DRC8: variants seen among roughly 807,000 people sequenced by gnomAD.
The protein encoded by DRC8 is dynein regulatory complex subunit 8.
the DRC8 span, among the ~76,000 whole-genome samples, chr1:245,023,987 TG>T: frequency 1.3e-5 from 2 of 152,166 alleles, no homozygotes; most frequent in East Asian, 3.9e-4. Context: ...CTGGCCAACA[TG>T]GTGAAACCCC....
At chr1:244,978,771 T>G in the DRC8 span, among the ~76,000 whole-genome samples, 5 of 152,324 alleles carry the variant, frequency 3.3e-5, no homozygotes, top group South Asian at 1.0e-3. Context: ...ATTACAGGCT[T>G]GAGCCACCAC....
chr1:245,111,360 A>C, the DRC8 span, among the ~76,000 whole-genome samples: 3 of 152,194 alleles, frequency 2.0e-5, no homozygotes, highest in African/African-American at 7.2e-5. Context: ...CAAAGTGTCT[A>C]GTTGTAAAAG....
the DRC8 span, among the ~76,000 whole-genome samples, chr1:244,976,384 T>C: frequency 1.3e-5 from 2 of 152,254 alleles, no homozygotes; most frequent in Non-Finnish European, 2.9e-5. Flanking sequence ...GTTTTCTTCC[T>C]GTTTTAGACC....
the DRC8 span, among the ~76,000 whole-genome samples, chr1:245,025,625 T>C: frequency 6.6e-6 from 1 of 152,200 alleles, no homozygotes; most frequent in South Asian, 2.1e-4. Context: ...GTTCCTATGC[T>C]TCAATGCCTT....
the DRC8 span, among the ~76,000 whole-genome samples, chr1:245,018,439 G>A: frequency 1.3e-5 from 2 of 152,286 alleles, no homozygotes; most frequent in Admixed American, 6.5e-5. Flanking sequence ...AGCTCCGGTG[G>A]CTGTGGTCAC....
the DRC8 span, chr1:244,970,579 G>T: frequency 8.7e-7 from 1 of 1,144,224 alleles, no homozygotes; most frequent in Non-Finnish European, 1.2e-6. Context: ...CTGAGGAGGG[G>T]GCCACCCGGC....
the DRC8 span, chr1:245,017,442 G>T: frequency 0.074 from 79,533 of 1,074,740 alleles, 3,544 homozygotes; most frequent in Non-Finnish European, 0.085. Context: ...GCTCTTTTAA[G>T]TATTTATTTT....
At chr1:245,074,255 G>A in the DRC8 span, among the ~76,000 whole-genome samples, 1 of 152,128 alleles carries the variant, frequency 6.6e-6, no homozygotes, top group African/African-American at 2.4e-5. Flanking sequence ...CAATCATATT[G>A]CAACACAACT....
At chr1:245,077,765 A>T in the DRC8 span, among the ~76,000 whole-genome samples, 11 of 152,212 alleles carry the variant, frequency 7.2e-5, no homozygotes, top group South Asian at 4.1e-4. Flanking sequence ...TGGAGCCATA[A>T]AACTAGAAGA....
the DRC8 span, among the ~76,000 whole-genome samples, chr1:245,065,214 G>A: frequency 1.3e-5 from 2 of 150,080 alleles, no homozygotes; most frequent in South Asian, 2.1e-4. Flanking sequence ...CATCACGCCC[G>A]GCTAATTTTT....
At chr1:244,985,601 C>T in the DRC8 span, among the ~76,000 whole-genome samples, 2 of 152,164 alleles carry the variant, frequency 1.3e-5, no homozygotes, top group African/African-American at 2.4e-5. Flanking sequence ...TGGTGGCACA[C>T]ACCTGTAATC....
At chr1:244,998,529 C>T in the DRC8 span, among the ~76,000 whole-genome samples, 99 of 152,264 alleles carry the variant, frequency 6.5e-4, no homozygotes, top group Middle Eastern at 3.4e-3. Flanking sequence ...TATATAATAC[C>T]GGTGTTGGAT....
the DRC8 span, among the ~76,000 whole-genome samples, chr1:245,067,571 G>A: frequency 1.7e-4 from 26 of 152,134 alleles, no homozygotes; most frequent in African/African-American, 6.0e-4. Flanking sequence ...CACAAGCCCC[G>A]GAGGTCCCAA....
chr1:245,064,023 C>G, the DRC8 span, among the ~76,000 whole-genome samples: 1 of 152,072 alleles, frequency 6.6e-6, no homozygotes, highest in African/African-American at 2.4e-5. Context: ...ACGCCCGGCC[C>G]AGATCTCAAC....
the DRC8 span, among the ~76,000 whole-genome samples, chr1:245,003,717 G>A: frequency 6.6e-6 from 1 of 152,090 alleles, no homozygotes; most frequent in Non-Finnish European, 1.5e-5. Context: ...AGCCTCCCAA[G>A]TGGCTGGGAC....
chr1:245,052,171 G>C, the DRC8 span, among the ~76,000 whole-genome samples: 1 of 152,228 alleles, frequency 6.6e-6, no homozygotes, highest in South Asian at 2.1e-4. Context: ...ACAGACGACT[G>C]AGCGGATTGT....
At chr1:244,970,515 G>A in the DRC8 span, 1 of 1,501,486 alleles carries the variant, frequency 6.7e-7, no homozygotes, top group Non-Finnish European at 8.8e-7. Flanking sequence ...GGGAAGCGCC[G>A]GGTGGGGTGG....
chr1:245,118,488 G>A, the DRC8 span, among the ~76,000 whole-genome samples: 5 of 152,170 alleles, frequency 3.3e-5, no homozygotes, highest in South Asian at 2.1e-4. Context: ...AAGATACTAC[G>A]TGCTGTAAAA....
At chr1:245,076,086 C>G in the DRC8 span, among the ~76,000 whole-genome samples, 266 of 152,312 alleles carry the variant, frequency 1.7e-3, no homozygotes, top group African/African-American at 6.0e-3. Context: ...TGGCATTTTA[C>G]GGATAGGCGG....
Sources: gnomAD v4.1 joint callset for allele counts (sites outside exome capture counted in the v4.1 genomes callset) on GRCh38, gnomAD v4.1.1 for gene constraint, MANE v1.5 for transcripts, NCBI Gene and HGNC (gene_info 2026-07-23, HGNC 2026-07-21) for gene names.